TXNDC11: variants seen among roughly 807,000 people sequenced by gnomAD.
The protein encoded by TXNDC11 is thioredoxin domain containing 11, also known as thioredoxin domain-containing protein 11.
A neutral mutation model predicts 78.0 loss-of-function variants in TXNDC11; 68 were observed. That is an observed-to-expected ratio of 0.87 (90% CI 0.72 to 1.07). The LOEUF (loss-of-function observed/expected upper bound fraction) is 1.07, where lower values mean the gene tolerates loss of function less well. Ranked by LOEUF, TXNDC11 falls within the 50% of genes least tolerant of loss-of-function variation. The pLI, the probability that TXNDC11 is intolerant of heterozygous loss-of-function variation, is 0.00. For missense variants in TXNDC11, 1,389 were observed against 1,221.8 expected, an observed-to-expected ratio of 1.14 and a Z score of -2.04; for synonymous variants, 571 against 495.2, an observed-to-expected ratio of 1.15 and a Z score of -2.03.
At chr16:11,708,021 C>T (rs188823706) in intron 5 of TXNDC11, among the ~76,000 whole-genome samples, 1 of 152,164 alleles carries the variant, frequency 6.6e-6, no homozygotes, top group African/African-American at 2.4e-5. Flanking sequence ...GAGGTCAAGG[C>T]CGCAGTGAGC....
chr16:11,691,308 G>A lies in TXNDC11; in HGVS notation c.1882C>T (p.Leu628=), dbSNP rs750955867. ...GCAGTACCTAGGGTGAGCTTCATCA[G>A]TGCTTGCTTTGGATCCAAGATGTAA... is the stretch of plus-strand genomic sequence containing the variant. ...SHYILDPKQA[L]MKLTLESFIQ... is the part of the protein sequence containing the mutation. The change falls in exon 8 of 12, where the codon CTG becomes TTG. Residue 628 remains leucine, a synonymous_variant. Coordinates refer to ENST00000283033, the MANE Select transcript of TXNDC11 (RefSeq NM_015914.7). 6.2e-7 allele frequency: 1 copy of A among 1,613,672 alleles called. No individual in the cohort carries two copies. Among genetic ancestry groups the A allele is most frequent in the Admixed American group, 1.7e-5 (1 of 60,002 alleles).
intron 5 of TXNDC11, among the ~76,000 whole-genome samples, chr16:11,719,074 A>G (rs2051628048): frequency 6.6e-6 from 1 of 152,234 alleles, no homozygotes; most frequent in Admixed American, 6.5e-5. Context: ...GAATGAAAAA[A>G]TAATTTAAGA....
Position 11,688,393 on chromosome 16 carries a change from G to A in TXNDC11, c.1953C>T (p.Leu651=), listed in dbSNP as rs766482127. The A allele has an allele frequency of 2.7e-5, 44 of 1,613,944 alleles. 2 individuals carry two copies. The South Asian group carries it at 2.9e-4, about 10-fold the overall frequency. ...SVLYSPLKRH[L]IGSGSAQFPS... ...GGAACTGGGCAGAGCCACTTCCAAT[G>A]AGATGCCTTTTCAAGGGACTATAGA... The change falls in exon 9 of 12, where the codon CTC becomes CTT. Residue 651 remains leucine (L), a synonymous_variant. Coordinates refer to ENST00000283033, the MANE Select transcript of TXNDC11 (RefSeq NM_015914.7).
At chr16:11,700,927 C>G (rs1170388250) in intron 5 of TXNDC11, among the ~76,000 whole-genome samples, 2 of 152,134 alleles carry the variant, frequency 1.3e-5, no homozygotes, top group African/African-American at 4.8e-5. Flanking sequence ...CATTACTCAT[C>G]TCAGCTCCTA....
intron 5 of TXNDC11, among the ~76,000 whole-genome samples, chr16:11,702,336 C>A (rs2051055627): frequency 6.6e-6 from 1 of 151,980 alleles, no homozygotes; most frequent in Non-Finnish European, 1.5e-5. Flanking sequence ...CTTTCCTATC[C>A]CCTTTTTGCT....
chr16:11,740,368 G>A (rs2052356184), intron 1 of TXNDC11, among the ~76,000 whole-genome samples: 1 of 152,126 alleles, frequency 6.6e-6, no homozygotes, highest in East Asian at 1.9e-4. Flanking sequence ...AGATGAAGCA[G>A]CAGCCATTTA....
In TXNDC11 at chr16:11,742,660, C is replaced by T; in HGVS notation, c.71G>A (p.Gly24Asp). ...SEDAEDEGGGGGGPAGSDCLS... is the reference protein window; with the variant it reads ...SEDAEDEGGGDGGPAGSDCLS... Reference sequence around the variant, plus strand: ...GCAGTCTGAGCCCGCGGGGCCGCCGCCGCCCCCTCCCTCGTCCTCGGCGTC... The same window carrying T: ...GCAGTCTGAGCCCGCGGGGCCGCCGTCGCCCCCTCCCTCGTCCTCGGCGTC... Residue 24 changes from glycine to aspartate, a missense_variant, in exon 1 of 12, where the codon GGC becomes GAC. Transcript: ENST00000283033. The T allele has an allele frequency of 1.4e-6, 2 of 1,463,862 alleles. No homozygotes were observed. The highest frequency in any genetic ancestry group is 1.8e-6 in the Non-Finnish European group (2 of 1,114,122). 90.7% of individuals were successfully genotyped at this position (1,463,862 alleles called of 1,614,324 possible).
intron 11 of TXNDC11, among the ~76,000 whole-genome samples, chr16:11,683,222 C>T (rs2050475549): frequency 6.6e-6 from 1 of 152,188 alleles, no homozygotes; most frequent in South Asian, 2.1e-4. Context: ...GTCCGCTCCC[C>T]CTTGTTAATG....
intron 4 of TXNDC11, among the ~76,000 whole-genome samples, chr16:11,730,102 T>A (rs2052003690): frequency 6.6e-6 from 1 of 152,008 alleles, no homozygotes; most frequent in Admixed American, 6.6e-5. Context: ...GAAAATACCA[T>A]AAAAATAATT....
chr16:11,685,220 C>T (rs964315846), intron 10 of TXNDC11, among the ~76,000 whole-genome samples: 3 of 152,140 alleles, frequency 2.0e-5, no homozygotes, highest in Non-Finnish European at 4.4e-5. Flanking sequence ...GCCGGGTATT[C>T]TGGCACATGC....
rs766654490 is a variant in TXNDC11, at chr16:11,691,896, A to T, written c.1294T>A (p.Trp432Arg). ...PCCNTVVLPQ[W>R]HSFSRTHNVC... ...TTGTGGGTCCTGGAGAAGGAGTGCC[A>T]CTGGGGCAGCACCACAGTGTTGCAG... Residue 432 changes from tryptophan to arginine, a missense_variant, in exon 8 of 12, where the codon TGG becomes AGG. Physicochemically the swap from Trp to Arg is moderately radical, Grantham distance 101 (BLOSUM62 -3). Coordinates refer to ENST00000283033, the MANE Select transcript of TXNDC11 (RefSeq NM_015914.7). The T allele has an allele frequency of 6.2e-7, 1 of 1,614,024 alleles. No individual in the cohort carries two copies. The highest frequency in any genetic ancestry group is 1.7e-5 in the Admixed American group (1 of 60,014).
chr16:11,724,534 T>A (rs2051816003), intron 4 of TXNDC11, among the ~76,000 whole-genome samples: 1 of 152,134 alleles, frequency 6.6e-6, no homozygotes, highest in African/African-American at 2.4e-5. Flanking sequence ...GGGGCTGAGA[T>A]GGGAGGATCA....
At chr16:11,726,232 GATAT>G (rs1488945032) in intron 4 of TXNDC11, among the ~76,000 whole-genome samples, 2 of 151,854 alleles carry the variant, frequency 1.3e-5, no homozygotes, top group Admixed American at 1.3e-4. Flanking sequence ...AGCGCAATGT[GATAT>G]TGGTAGGTCT....
intron 5 of TXNDC11, among the ~76,000 whole-genome samples, chr16:11,718,744 TC>T (rs2051618946): frequency 6.6e-6 from 1 of 152,158 alleles, no homozygotes; most frequent in Non-Finnish European, 1.5e-5. Flanking sequence ...TAATCTCAGC[TC>T]CTGCAAACTT....
chr16:11,709,637 A>G (rs1039987295), intron 5 of TXNDC11, among the ~76,000 whole-genome samples: 3 of 151,062 alleles, frequency 2.0e-5, no homozygotes, highest in East Asian at 2.0e-4. Context: ...GGGTTTCACC[A>G]TGTTAGCCAG....
intron 6 of TXNDC11, 50 bp from the exon 7 acceptor site, chr16:11,698,375 C>T: frequency 6.4e-7 from 1 of 1,554,002 alleles, no homozygotes; most frequent in Non-Finnish European, 8.9e-7. Context: ...TGAGGTGGGG[C>T]AAGCTCAAGG....
Position 11,679,748 on chromosome 16 carries a change from G to T in TXNDC11, c.2324C>A (p.Ser775Tyr), listed in dbSNP as rs758762799. 6.2e-7 allele frequency: 1 copy of T among 1,614,188 alleles called. No individual in the cohort carries two copies. Among genetic ancestry groups the T allele is most frequent in the South Asian group, 1.1e-5 (1 of 91,082 alleles). Residue 775 changes from serine (S) to tyrosine (Y), a missense_variant, in exon 12 of 12, where the codon TCC becomes TAC. Ser to Tyr is a moderately radical substitution (Grantham distance 144). Coordinates refer to ENST00000283033, the MANE Select transcript of TXNDC11 (RefSeq NM_015914.7). The surrounding 1 kb of genome is among the most constrained non-coding windows in gnomAD (Gnocchi z 4.6). Reference protein sequence around the residue: ...RFILHHSDPASSPQNVANSPT... With the variant: ...RFILHHSDPAYSPQNVANSPT... ...AGAGTTAGCCACATTCTGGGGGCTG[G>T]AAGCAGGGTCTGAGTGATGCAAAAT...
chr16:11,732,954 C>T (rs1040934719), intron 3 of TXNDC11, among the ~76,000 whole-genome samples: 3 of 152,152 alleles, frequency 2.0e-5, no homozygotes, highest in Non-Finnish European at 4.4e-5. Context: ...GAACAAAGTC[C>T]AAAGTCCTAT....
chr16:11,732,045 G>C (rs1237434141), intron 3 of TXNDC11, among the ~76,000 whole-genome samples: 4 of 152,162 alleles, frequency 2.6e-5, no homozygotes, highest in Non-Finnish European at 5.9e-5. Flanking sequence ...GATGTTACAA[G>C]GGTTCTAGTG....
Sources: allele counts gnomAD v4.1 joint callset (sites outside exome capture counted in the v4.1 genomes callset), GRCh38; gene constraint gnomAD v4.1.1; non-coding constraint Gnocchi (gnomAD v3.1); transcripts MANE v1.5; gene names NCBI Gene and HGNC (gene_info 2026-07-23, HGNC 2026-07-21).